EPHB2: variants seen among roughly 807,000 people sequenced by gnomAD.
The protein encoded by EPHB2 is ephrin type-B receptor 2.
EPHB2 carries 18 observed loss-of-function variants against 96.4 expected under a neutral mutation model. The observed-to-expected ratio is 0.19, with a 90% CI of 0.13 to 0.28. The LOEUF (loss-of-function observed/expected upper bound fraction) is 0.28, where lower values mean the gene tolerates loss of function less well. EPHB2 is among the 10% of genes least tolerant of loss of function. The probability of loss-of-function intolerance (pLI) is 1.00; values close to 1 mark genes in which losing one functional copy is unlikely to be tolerated. For synonymous variants in EPHB2, 506 were observed against 534.1 expected (o/e 0.95, Z 0.72); for missense variants, 989 against 1,355.4 (o/e 0.73, Z 4.25).
At chr1:22,751,024 C>T (rs952768575) in intron 1 of EPHB2, among the ~76,000 whole-genome samples, 4 of 152,162 alleles carry the variant, frequency 2.6e-5, no homozygotes, top group African/African-American at 9.7e-5. Context: ...TTTTCCTTTA[C>T]TGATGAATTT....
At position 22,913,336 on chromosome 1, in the gene EPHB2, C is replaced by T. The variant is rs1234328303; in HGVS notation, c.2853-126C>T. On this transcript the variant is annotated intron_variant, in intron 15 of 15. Transcript: ENST00000374630. The surrounding 1 kb of genome is among the most constrained non-coding windows in gnomAD (Gnocchi z 4.1). ...CAGCTGTGGCTGCCTGCCCACTCCC[C>T]ACTCCCCACTCCCCAGTACTCCTTG... 3 of 1,278,478 alleles carry T rather than the reference C, an allele frequency of 2.3e-6. No individual in the cohort carries two copies. The highest frequency in any genetic ancestry group is 5.0e-4 in the Middle Eastern group (2 of 3,962). 79.2% of individuals were successfully genotyped at this position (1,278,478 alleles called of 1,614,324 possible). A position where few individuals can be genotyped will look rare whatever the true frequency, so the allele number is the denominator to read the frequency against.
At chr1:22,720,995 G>A (rs766832967) in intron 1 of EPHB2, among the ~76,000 whole-genome samples, 29 of 152,176 alleles carry the variant, frequency 1.9e-4, no homozygotes, top group Middle Eastern at 3.4e-3. Context: ...CAGCGAACTG[G>A]GCATCATAAT....
chr1:22,771,250 A>G (rs963746812), intron 1 of EPHB2, among the ~76,000 whole-genome samples: 3 of 152,220 alleles, frequency 2.0e-5, no homozygotes, highest in African/African-American at 7.2e-5. Flanking sequence ...GGACAAGGTG[A>G]CAAGTATAAT....
At chr1:22,795,095 G>A (rs1644748659) in intron 3 of EPHB2, among the ~76,000 whole-genome samples, 1 of 152,034 alleles carries the variant, frequency 6.6e-6, no homozygotes. Flanking sequence ...GGGCACCCCC[G>A]TCCCTGGGGC....
At chr1:22,843,621 A>G (rs968380950) in intron 3 of EPHB2, among the ~76,000 whole-genome samples, 1 of 151,934 alleles carries the variant, frequency 6.6e-6, no homozygotes, top group African/African-American at 2.4e-5. Context: ...GCTCACTGCA[A>G]CCTGTACCTC....
chr1:22,859,052 C>A (rs570610609), intron 3 of EPHB2, among the ~76,000 whole-genome samples: 115 of 152,234 alleles, frequency 7.6e-4, no homozygotes, highest in African/African-American at 2.6e-3. Context: ...GCAGGAGAAT[C>A]ACTTGAACCT....
intron 3 of EPHB2, among the ~76,000 whole-genome samples, chr1:22,816,133 C>T (rs1373691328): frequency 6.6e-6 from 1 of 152,168 alleles, no homozygotes; most frequent in Non-Finnish European, 1.5e-5. Context: ...AGGCATCTGT[C>T]GGATTAGTCA....
Position 22,906,701 on chromosome 1 carries a change from C to G in EPHB2, c.1889-9C>G, listed in dbSNP as rs901880148. ...TGACATCCTGTCTGTCTTGGTGTTT[C>G]TCTCTCAGGGGAGTTTGGCGAGGTC... On this transcript the variant is annotated splice_polypyrimidine_tract_variant and intron_variant, in intron 10 of 15. Transcript: ENST00000374630. This position sits in a 1 kb window ranked among gnomAD's most constrained non-coding sequence, Gnocchi z 4.8. 1 of 1,613,992 alleles carries G rather than the reference C, an allele frequency of 6.2e-7. No homozygotes were observed. Among genetic ancestry groups the G allele is most frequent in the African/African-American group, 1.3e-5 (1 of 74,926 alleles).
At chr1:22,806,221 T>C (rs936551404) in intron 3 of EPHB2, among the ~76,000 whole-genome samples, 1 of 152,222 alleles carries the variant, frequency 6.6e-6, no homozygotes, top group Non-Finnish European at 1.5e-5. Flanking sequence ...AACTCAGTAA[T>C]CACCCCCCTT....
intron 3 of EPHB2, among the ~76,000 whole-genome samples, chr1:22,847,003 AC>A (rs1482506215): frequency 6.6e-6 from 1 of 152,028 alleles, no homozygotes; most frequent in Admixed American, 6.6e-5. Flanking sequence ...AGTAGTTAAG[AC>A]CCTGCCTTTG....
At chr1:22,831,226 G>T (rs1323748590) in intron 3 of EPHB2, among the ~76,000 whole-genome samples, 3 of 152,176 alleles carry the variant, frequency 2.0e-5, no homozygotes, top group African/African-American at 7.2e-5. Flanking sequence ...TGGGCATTGA[G>T]TGAGGTGATT....
At chr1:22,751,117 A>C (rs1249931705) in intron 1 of EPHB2, among the ~76,000 whole-genome samples, 2 of 152,240 alleles carry the variant, frequency 1.3e-5, no homozygotes, top group Non-Finnish European at 2.9e-5. Context: ...TCCTAACAGT[A>C]GTTCAAGGGC....
intron 3 of EPHB2, among the ~76,000 whole-genome samples, chr1:22,862,796 AG>A (rs1638312701): frequency 6.6e-6 from 1 of 152,138 alleles, no homozygotes; most frequent in African/African-American, 2.4e-5. Context: ...GGGATAGGTG[AG>A]GGAAGATTGC....
chr1:22,727,649 G>A (rs976459273), intron 1 of EPHB2, among the ~76,000 whole-genome samples: 5 of 151,972 alleles, frequency 3.3e-5, no homozygotes, highest in African/African-American at 1.2e-4. Context: ...TGGAACTTGG[G>A]GCTAGATCTA....
chr1:22,821,557 T>C (rs941816815), intron 3 of EPHB2, among the ~76,000 whole-genome samples: 2 of 152,240 alleles, frequency 1.3e-5, no homozygotes, highest in Admixed American at 1.3e-4. Context: ...TTCGGAAGCC[T>C]GTCTCAGTAA....
At chr1:22,755,641 A>T (rs1441148710) in intron 1 of EPHB2, among the ~76,000 whole-genome samples, 1 of 152,204 alleles carries the variant, frequency 6.6e-6, no homozygotes, top group Non-Finnish European at 1.5e-5. Context: ...TGAAATGGCC[A>T]CGTGACCTTG....
intron 1 of EPHB2, among the ~76,000 whole-genome samples, chr1:22,761,904 A>C (rs544670489): frequency 2.0e-5 from 3 of 152,160 alleles, no homozygotes; most frequent in African/African-American, 7.2e-5. Context: ...CAGCAGAGGG[A>C]GGGGGGCGTC....
chr1:22,712,825 G>A (rs115695145), intron 1 of EPHB2, among the ~76,000 whole-genome samples: 2,223 of 152,292 alleles, frequency 0.015, 62 homozygotes, highest in African/African-American at 0.05. Flanking sequence ...GCGTTGGCCC[G>A]CTATACATTG....
At chr1:22,725,294 G>T (rs749680995) in intron 1 of EPHB2, among the ~76,000 whole-genome samples, 58 of 152,104 alleles carry the variant, frequency 3.8e-4, no homozygotes, top group Admixed American at 7.9e-4. Context: ...GGTGAATGAC[G>T]GGCAGGTTGA....
Sources: allele counts gnomAD v4.1 joint callset (sites outside exome capture counted in the v4.1 genomes callset), GRCh38; gene constraint gnomAD v4.1.1; non-coding constraint Gnocchi (gnomAD v3.1); transcripts MANE v1.5; gene names NCBI Gene and HGNC (gene_info 2026-07-23, HGNC 2026-07-21).